DCDC2: variants seen among roughly 807,000 people sequenced by gnomAD.
The protein encoded by DCDC2 is doublecortin domain containing 2, also known as doublecortin domain-containing protein 2.
Under a neutral mutation model 50.2 loss-of-function variants are expected in DCDC2, and 40 were observed. The ratio of observed to expected loss-of-function variants is 0.80; its 90% CI spans 0.62 to 1.04. The LOEUF is 1.04. DCDC2 is among the 50% of genes least tolerant of loss of function. The pLI is 0.00. For synonymous variants in DCDC2, 234 were observed against 210.6 expected, an observed-to-expected ratio of 1.11 and a Z score of -0.96; for missense variants, 570 against 581.9, an observed-to-expected ratio of 0.98 and a Z score of 0.21.
In DCDC2 at chr6:24,327,362, T is replaced by C. The variant is rs148742427; in HGVS notation, c.349-25318A>G. 1.9e-3 allele frequency among the ~76,000 whole-genome samples: 278 copies of C among 149,814 alleles called. 23 individuals carry two copies. The highest frequency in any genetic ancestry group is 3.3e-3 in the Non-Finnish European group (221 of 67,302). On this transcript the variant is annotated intron_variant, in intron 2 of 9. Coordinates refer to ENST00000378454, the MANE Select transcript of DCDC2 (RefSeq NM_016356.5). ...TTTCTGCTAATAGCTTCAGGGTCTT[T>C]AGCAACTGTCAGCATGTAATGTGTC...
At chr6:24,209,895 A>C (rs116198245) in intron 7 of DCDC2, among the ~76,000 whole-genome samples, 72 of 152,200 alleles carry the variant, frequency 4.7e-4, no homozygotes, top group African/African-American at 1.7e-3. Flanking sequence ...AGCTCTTTCT[A>C]ATCTATCTTC....
chr6:24,330,268 G>A lies in DCDC2; in HGVS notation c.348+23301C>T, dbSNP rs138511235. ...TTGGATGGCTTGTTGTGGCAATTAC[G>A]TTTCCAGGTTACCAACTACCAAACA... On this transcript the variant is annotated intron_variant, in intron 2 of 9. Transcript: ENST00000378454. Among the ~76,000 whole-genome samples, 64 of 152,204 alleles carry A rather than the reference G, an allele frequency of 4.2e-4. No homozygotes were observed. The East Asian group carries it at 8.7e-3, about 21-fold the overall frequency.
chr6:24,244,572 C>T (rs1762630707), intron 7 of DCDC2, among the ~76,000 whole-genome samples: 1 of 152,186 alleles, frequency 6.6e-6, no homozygotes, highest in Admixed American at 6.5e-5. Context: ...AAGAACTGCC[C>T]TTGGGCAAGA....
the DCDC2 span, chr6:24,365,533 C>A: frequency 6.6e-6 from 1 of 152,196 alleles, no homozygotes; most frequent in East Asian, 1.9e-4. Context: ...CTCAGGTGAT[C>A]CACCTGCCTC....
At chr6:24,314,506 AC>A (rs1387830251) in intron 2 of DCDC2, among the ~76,000 whole-genome samples, 1 of 152,088 alleles carries the variant, frequency 6.6e-6, no homozygotes, top group Admixed American at 6.6e-5. Flanking sequence ...ACAAAAAAGC[AC>A]TAAAATTAAA....
At chr6:24,360,126 G>C (rs1760641485), upstream of DCDC2, among the ~76,000 whole-genome samples, 1 of 152,232 alleles carries the variant, frequency 6.6e-6, no homozygotes, top group South Asian at 2.1e-4. Context: ...CACCCAAGGG[G>C]AACGGAGTTG....
At chr6:24,314,273 G>A (rs1364148142) in intron 2 of DCDC2, among the ~76,000 whole-genome samples, 13 of 152,110 alleles carry the variant, frequency 8.5e-5, no homozygotes, top group Non-Finnish European at 1.9e-4. Context: ...CAGAGTTCGA[G>A]ACCAGTCTGG....
Position 24,297,711 on chromosome 6 carries a change from A to C in DCDC2, c.557+4004T>G. Among the ~76,000 whole-genome samples the C allele has an allele frequency of 1.3e-5, 2 of 152,160 alleles. 1 individual carries two copies. Among genetic ancestry groups the C allele is most frequent in the Non-Finnish European group, 2.9e-5 (2 of 68,018 alleles). ...AATGTCAAAATTATATATGTAAAAAAAATTGTAATTATTGAGATCTGCCTT... is the reference window on the plus strand; with the variant it reads ...AATGTCAAAATTATATATGTAAAAACAATTGTAATTATTGAGATCTGCCTT... On this transcript the variant is annotated intron_variant, in intron 4 of 9. Transcript: ENST00000378454.
At chr6:24,203,784 T>G (rs779329530) in intron 8 of DCDC2, among the ~76,000 whole-genome samples, 2 of 149,384 alleles carry the variant, frequency 1.3e-5, no homozygotes, top group African/African-American at 4.9e-5. Context: ...TTAAAAAAAT[T>G]TACAAGAAAA....
chr6:24,210,296 T>A (rs370641883), intron 7 of DCDC2, among the ~76,000 whole-genome samples: 21 of 152,302 alleles, frequency 1.4e-4, no homozygotes, highest in African/African-American at 5.1e-4. Context: ...TTGACCTCTT[T>A]ATAGATCCCA....
intron 7 of DCDC2, among the ~76,000 whole-genome samples, chr6:24,208,762 G>C (rs976207875): frequency 6.6e-6 from 1 of 152,112 alleles, no homozygotes; most frequent in South Asian, 2.1e-4. Flanking sequence ...CCCCTTCCCT[G>C]CTAGACCACA....
At chr6:24,199,482 C>T (rs1340609390) in intron 8 of DCDC2, among the ~76,000 whole-genome samples, 3 of 152,198 alleles carry the variant, frequency 2.0e-5, no homozygotes, top group Non-Finnish European at 4.4e-5. Flanking sequence ...ACAAAAAGGA[C>T]ATCCACACAA....
chr6:24,315,041 T>A (rs2113847699), intron 2 of DCDC2, among the ~76,000 whole-genome samples: 1 of 152,322 alleles, frequency 6.6e-6, no homozygotes, highest in East Asian at 1.9e-4. Context: ...CCTCAGCAGT[T>A]CATGTCCGTT....
intron 7 of DCDC2, among the ~76,000 whole-genome samples, chr6:24,247,020 C>T (rs9460984): frequency 0.12 from 18,352 of 152,100 alleles, 1,239 homozygotes; most frequent in African/African-American, 0.16. Context: ...GAGATGAAAA[C>T]ATCCTGTAAA....
chr6:24,224,509 T>C (rs1161880756), intron 7 of DCDC2, among the ~76,000 whole-genome samples: 3 of 152,166 alleles, frequency 2.0e-5, no homozygotes, highest in Non-Finnish European at 4.4e-5. Context: ...GGTGAGCGTG[T>C]GTGTGCATGT....
the DCDC2 span, among the ~76,000 whole-genome samples, chr6:24,374,513 G>A: frequency 0.027 from 3,649 of 136,438 alleles, 77 homozygotes; most frequent in African/African-American, 0.054. Context: ...CTGGGAGGTG[G>A]AGGTTGCAGT....
intron 8 of DCDC2, among the ~76,000 whole-genome samples, chr6:24,191,442 C>G (rs1259712116): frequency 6.6e-6 from 1 of 152,078 alleles, no homozygotes; most frequent in Non-Finnish European, 1.5e-5. Context: ...ATGTGTAGAC[C>G]AATGGTCACA....
chr6:24,284,431 C>A (rs1259596824), intron 6 of DCDC2, among the ~76,000 whole-genome samples: 3 of 151,594 alleles, frequency 2.0e-5, no homozygotes, highest in South Asian at 4.2e-4. Context: ...GATGGTGAAA[C>A]CCCGTCTCTA....
intron 6 of DCDC2, among the ~76,000 whole-genome samples, chr6:24,280,550 T>A (rs912420444): frequency 2.0e-5 from 3 of 152,134 alleles, no homozygotes; most frequent in Middle Eastern, 3.2e-3. Context: ...TTATTTATTT[T>A]TTTTTAGATG....
Sources: allele counts gnomAD v4.1 joint callset (sites outside exome capture counted in the v4.1 genomes callset), GRCh38; gene constraint gnomAD v4.1.1; transcripts MANE v1.5; gene names NCBI Gene and HGNC (gene_info 2026-07-23, HGNC 2026-07-21).